The following PCMTD1 variants were observed in gnomAD, a reference collection of about 807,000 sequenced individuals.
The protein encoded by PCMTD1 is protein-L-isoaspartate O-methyltransferase domain-containing protein 1.
A neutral mutation model predicts 37.6 loss-of-function variants in PCMTD1; 12 were observed. The observed-to-expected ratio is 0.32, with a 90% CI of 0.20 to 0.52. The LOEUF is 0.52. Ranked by LOEUF, PCMTD1 falls within the 20% of genes least tolerant of loss-of-function variation. PCMTD1 has a pLI of 0.97. For synonymous variants in PCMTD1, 117 were observed against 135.8 expected (o/e 0.86, Z 0.96); for missense variants, 235 against 421.3 (o/e 0.56, Z 3.87).
At chr8:51,892,320 C>T (rs1274569410) in intron 1 of PCMTD1, among the ~76,000 whole-genome samples, 2 of 152,196 alleles carry the variant, frequency 1.3e-5, no homozygotes, top group East Asian at 3.8e-4. Context: ...GAACTGCTAA[C>T]ACATGCAGGG....
chr8:51,839,750 A>C (rs925158143), intron 3 of PCMTD1: 7 of 420,976 alleles, frequency 1.7e-5, no homozygotes, highest in Non-Finnish European at 2.2e-5. Context: ...AATTTTAGAC[A>C]ATTATTCCAG....
At chr8:51,859,000 T>C (rs4873206) in intron 2 of PCMTD1, among the ~76,000 whole-genome samples, 104,583 of 152,072 alleles carry the variant, frequency 0.69, 42,412 homozygotes, top group Non-Finnish European at 0.9. Flanking sequence ...GGGACTAAGG[T>C]AATGAGTCTA....
intron 1 of PCMTD1, among the ~76,000 whole-genome samples, chr8:51,873,678 G>A (rs1427323178): frequency 1.3e-5 from 2 of 151,890 alleles, no homozygotes; most frequent in East Asian, 1.9e-4. Flanking sequence ...CCTGCGATAC[G>A]GTATTTTAAA....
intron 1 of PCMTD1, among the ~76,000 whole-genome samples, chr8:51,883,222 T>C (rs1035818206): frequency 6.6e-6 from 1 of 152,110 alleles, no homozygotes; most frequent in Non-Finnish European, 1.5e-5. Flanking sequence ...AATAGCTAGA[T>C]GGAATAAAAC....
chr8:51,818,645 A>G lies in PCMTD1; in HGVS notation c.*1706T>C, dbSNP rs1461732969. 1 of 152,340 alleles carries G rather than the reference A, an allele frequency of 6.6e-6. No homozygotes were observed. Among genetic ancestry groups the G allele is most frequent in the African/African-American group, 2.4e-5 (1 of 41,490 alleles). The allele number at this position is 152,340 out of a possible 1,614,324, so 9.4% of individuals were successfully genotyped here. A position where few individuals can be genotyped will look rare whatever the true frequency, so the allele number is the denominator to read the frequency against. On this transcript the variant is annotated 3_prime_UTR_variant, in exon 6 of 6. Transcript: ENST00000522514. ...CTTAACAGTTTAGTAATCGTCTAAG[A>G]ATAATTGTAGAAATAACCCCAATTC...
intron 1 of PCMTD1, among the ~76,000 whole-genome samples, chr8:51,887,245 G>T (rs1338731864): frequency 6.6e-6 from 1 of 152,028 alleles, no homozygotes; most frequent in Non-Finnish European, 1.5e-5. Flanking sequence ...GGACCTCTTT[G>T]GGGGGCTACT....
chr8:51,845,827 A>C lies in PCMTD1; in HGVS notation c.308-64T>G. 3.6e-6 allele frequency: 4 copies of C among 1,117,126 alleles called. No individual in the cohort carries two copies. The Middle Eastern group carries it at 6.3e-4, about 176-fold the overall frequency. 69.2% of individuals were successfully genotyped at this position (1,117,126 alleles called of 1,614,324 possible). On this transcript the variant is annotated intron_variant, in intron 2 of 5. Transcript: ENST00000522514. Reference sequence around the variant, plus strand: ...ATATGCCCTTACAGAGCTCTTTTTTAAGTTCTGCTCATTTATACATCACAG... The same window carrying C: ...ATATGCCCTTACAGAGCTCTTTTTTCAGTTCTGCTCATTTATACATCACAG...
intron 3 of PCMTD1, among the ~76,000 whole-genome samples, chr8:51,840,554 T>C (rs2038133077): frequency 6.6e-6 from 1 of 152,124 alleles, no homozygotes; most frequent in Non-Finnish European, 1.5e-5. Flanking sequence ...TATTTTGGAA[T>C]AATATTGAAT....
At chr8:51,861,961 G>A (rs964909525) in intron 1 of PCMTD1, among the ~76,000 whole-genome samples, 2 of 152,010 alleles carry the variant, frequency 1.3e-5, no homozygotes, top group Non-Finnish European at 2.9e-5. Context: ...AGATCCATCC[G>A]CCCGGGCCGC....
rs111482302 is a variant in PCMTD1, at chr8:51,879,562, T to C, written c.-95-18316A>G. Among the ~76,000 whole-genome samples, 1,277 of 152,236 alleles carry C rather than the reference T, an allele frequency of 8.4e-3. 11 individuals are homozygous for C. The highest frequency in any genetic ancestry group is 0.014 in the Middle Eastern group (4 of 294). On this transcript the variant is annotated intron_variant, in intron 1 of 5. Coordinates refer to ENST00000522514, the MANE Select transcript of PCMTD1 (RefSeq NM_052937.4). ...AAAATGAAACTATGTGAAAACTGAG[T>C]ACTTACAATTTACAAGTCAACAGGT... is the stretch of plus-strand genomic sequence containing the variant.
intron 3 of PCMTD1, chr8:51,839,487 T>C (rs2038115069): frequency 2.0e-6 from 2 of 985,296 alleles, no homozygotes; most frequent in Non-Finnish European, 2.4e-6. Flanking sequence ...TTGGAATATC[T>C]TCATCTTGAG....
chr8:51,833,793 T>A, intron 3 of PCMTD1, 104 bp from the exon 4 acceptor site: 1 of 737,476 alleles, frequency 1.4e-6, no homozygotes, highest in South Asian at 2.3e-5. Context: ...CCAAATTAAT[T>A]ATAAGGATAA....
At chr8:51,857,116 G>C (rs566534312) in intron 2 of PCMTD1, among the ~76,000 whole-genome samples, 1 of 152,258 alleles carries the variant, frequency 6.6e-6, no homozygotes, top group South Asian at 2.1e-4. Context: ...GACAAAGAGA[G>C]AGAGTGTAGA....
At chr8:51,896,563 T>A (rs1219714179) in intron 1 of PCMTD1, among the ~76,000 whole-genome samples, 1 of 152,082 alleles carries the variant, frequency 6.6e-6, no homozygotes, top group Non-Finnish European at 1.5e-5. Flanking sequence ...ACATCCCAAT[T>A]TACCATGGCA....
At chr8:51,889,241 A>G (rs371028781) in intron 1 of PCMTD1, among the ~76,000 whole-genome samples, 4 of 152,248 alleles carry the variant, frequency 2.6e-5, no homozygotes, top group East Asian at 1.9e-4. Context: ...AACTGACCTC[A>G]TAATCTCTGA....
At chr8:51,831,286 A>G (rs1195951882) in intron 5 of PCMTD1, among the ~76,000 whole-genome samples, 158 bp downstream of exon 5, 2 of 129,042 alleles carry the variant, frequency 1.5e-5, no homozygotes, top group Non-Finnish European at 3.5e-5. Context: ...CAACAGAACA[A>G]GACTGTCTCC....
At chr8:51,858,966 C>T (rs913517583) in intron 2 of PCMTD1, among the ~76,000 whole-genome samples, 1 of 152,194 alleles carries the variant, frequency 6.6e-6, no homozygotes, top group Admixed American at 6.5e-5. Flanking sequence ...CATCTGGCCA[C>T]AGACATCTAA....
At chr8:51,851,971 C>T (rs2038314691) in intron 2 of PCMTD1, among the ~76,000 whole-genome samples, 1 of 152,164 alleles carries the variant, frequency 6.6e-6, no homozygotes, top group African/African-American at 2.4e-5. Flanking sequence ...TTAATGCAAT[C>T]ATTTTCCCTG....
intron 3 of PCMTD1, among the ~76,000 whole-genome samples, chr8:51,838,926 AG>A (rs1341980435): frequency 6.6e-6 from 1 of 152,222 alleles, no homozygotes; most frequent in African/African-American, 2.4e-5. Context: ...AAATCTGAGA[AG>A]GAAAAAAATG....
Sources: allele counts gnomAD v4.1 joint callset (sites outside exome capture counted in the v4.1 genomes callset), GRCh38; gene constraint gnomAD v4.1.1; transcripts MANE v1.5; gene names NCBI Gene and HGNC (gene_info 2026-07-23, HGNC 2026-07-21).